Variants in FANCA observed in about 807,000 individuals in gnomAD.
FANCA encodes FA complementation group A.
Under a neutral mutation model 194.3 loss-of-function variants are expected in FANCA, and 236 were observed. That is an observed-to-expected ratio of 1.21 (90% CI 1.09 to 1.35). FANCA has a LOEUF of 1.35. Among genes scored for constraint, FANCA ranks in the 40% most tolerant of loss-of-function variants. FANCA has a pLI of 0.00. For synonymous variants in FANCA, 1,014 were observed against 715.8 expected (o/e 1.42, Z -6.65); for missense variants, 2,628 against 1,813.9 (o/e 1.45, Z -8.15).
intron 3 of FANCA, among the ~76,000 whole-genome samples, chr16:89,811,477 T>C (rs1447700013): frequency 6.6e-6 from 1 of 152,188 alleles, no homozygotes; most frequent in Non-Finnish European, 1.5e-5. Context: ...TTGACTCACA[T>C]TGATGGTTGT....
At chr16:89,770,755 G>A in intron 23 of FANCA, 121 bp from the exon 24 acceptor site, 5 of 863,918 alleles carry the variant, frequency 5.8e-6, no homozygotes, top group Non-Finnish European at 5.7e-6. Flanking sequence ...CTCCAAAACA[G>A]GCTTGTTTGG....
At chr16:89,741,022 G>C in intron 37 of FANCA, 156 bp from the exon 38 acceptor site, 1 of 693,942 alleles carries the variant, frequency 1.4e-6, no homozygotes, top group East Asian at 2.7e-5. Context: ...CTTCTAGAGA[G>C]ACAGCTTAAT....
chr16:89,746,797 G>T, intron 34 of FANCA, 34 bp downstream of exon 34: 1 of 1,575,764 alleles, frequency 6.3e-7, no homozygotes, highest in East Asian at 2.3e-5. Flanking sequence ...GGCGTTCTGA[G>T]AAGGCCACGA....
chr16:89,763,131 C>T (rs12924011), intron 28 of FANCA, among the ~76,000 whole-genome samples: 14,394 of 151,706 alleles, frequency 0.095, 877 homozygotes, highest in Non-Finnish European at 0.14. Flanking sequence ...CCTGTGGTCC[C>T]AGCTACTTGG....
At position 89,752,259 on chromosome 16, in the gene FANCA, G is replaced by A. The variant is rs748539886; in HGVS notation, c.2982-37C>T. Reference sequence around the variant, plus strand: ...ATACAATAAAATCCTCCTCAGTATCGCCTAATAGTGCTGAAGTTCCCAGTT... The same window carrying A: ...ATACAATAAAATCCTCCTCAGTATCACCTAATAGTGCTGAAGTTCCCAGTT... On this transcript the variant is annotated intron_variant, in intron 30 of 42. Transcript: ENST00000389301. 1.1e-4 allele frequency: 165 copies of A among 1,537,374 alleles called. 1 individual carries two copies. The highest frequency in any genetic ancestry group is 9.6e-4 in the East Asian group (43 of 44,590).
At chr16:89,776,900 G>A (rs960826291) in intron 20 of FANCA, among the ~76,000 whole-genome samples, 8 of 152,036 alleles carry the variant, frequency 5.3e-5, no homozygotes, top group South Asian at 2.1e-4. Flanking sequence ...AAATTAGTAA[G>A]AGGGAACTTT....
intron 27 of FANCA, among the ~76,000 whole-genome samples, chr16:89,766,729 A>T (rs2039141347): frequency 6.6e-6 from 1 of 152,038 alleles, no homozygotes; most frequent in Admixed American, 6.6e-5. Context: ...AAAAAAAAAA[A>T]TTCCTTTGTC....
At chr16:89,759,816 G>A (rs1193874893) in intron 29 of FANCA, among the ~76,000 whole-genome samples, 1 of 152,200 alleles carries the variant, frequency 6.6e-6, no homozygotes, top group Non-Finnish European at 1.5e-5. Flanking sequence ...ATCCATTTAT[G>A]CAGAAAGAGC....
At chr16:89,748,799 G>A in intron 32 of FANCA, 32 bp from the exon 33 acceptor site, 1 of 1,566,658 alleles carries the variant, frequency 6.4e-7, no homozygotes, top group Non-Finnish European at 8.8e-7. Flanking sequence ...GGTGGCGACA[G>A]CACAGCGTAC....
intron 11 of FANCA, among the ~76,000 whole-genome samples, chr16:89,793,333 ACT>A (rs1271854901): frequency 2.0e-5 from 3 of 151,936 alleles, no homozygotes; most frequent in South Asian, 2.1e-4. Context: ...GAAGGCTCAC[ACT>A]CTTGTCTTAT....
At position 89,779,977 on chromosome 16, in the gene FANCA, G is replaced by C. The variant is rs1408976307; in HGVS notation, c.1627-20C>G. On this transcript the variant is annotated intron_variant, in intron 17 of 42. Transcript: ENST00000389301. ...GTGGGGCTGGTTCCCATACAGGGAG[G>C]AAAGGAAAAAGAACAGAGGACTTTA... 6 of 1,608,798 alleles carry C rather than the reference G, an allele frequency of 3.7e-6. No individual in the cohort carries two copies. The Admixed American group carries it at 1.0e-4, about 27-fold the overall frequency.
At chr16:89,762,370 G>T (rs1172234459) in intron 28 of FANCA, among the ~76,000 whole-genome samples, 1 of 151,986 alleles carries the variant, frequency 6.6e-6, no homozygotes, top group Non-Finnish European at 1.5e-5. Flanking sequence ...GAGGCCAGCA[G>T]ATTGCTTGAG....
At chr16:89,739,732 G>T (rs2062078002) in intron 39 of FANCA, 179 bp from the exon 40 acceptor site, 38 of 1,497,416 alleles carry the variant, frequency 2.5e-5, no homozygotes, top group Non-Finnish European at 3.3e-5. Flanking sequence ...GAGGATGGGG[G>T]GGTCGACCTC....
chr16:89,769,699 G>A (rs1405627738), intron 26 of FANCA, 138 bp downstream of exon 26: 3 of 909,498 alleles, frequency 3.3e-6, no homozygotes, highest in African/African-American at 3.3e-5. Context: ...ATTCTGGAAG[G>A]ATATATACCA....
chr16:89,770,646 C>T lies in FANCA; in HGVS notation c.2152-12G>A. On this transcript the variant is annotated splice_polypyrimidine_tract_variant and intron_variant, in intron 23 of 42. Transcript: ENST00000389301. Reference sequence around the variant, plus strand: ...AGGAGGTCCACAGCCTGCAGAGACACAGTTCTCATGAGCGTGGTGTCCTGG... The same window carrying T: ...AGGAGGTCCACAGCCTGCAGAGACATAGTTCTCATGAGCGTGGTGTCCTGG... The T allele has an allele frequency of 6.2e-7, 1 of 1,601,270 alleles. No individual in the cohort carries two copies. The highest frequency in any genetic ancestry group is 1.1e-5 in the South Asian group (1 of 88,878).
Position 89,770,040 on chromosome 16 carries a change from G to C in FANCA, c.2317-16C>G. On this transcript the variant is annotated splice_polypyrimidine_tract_variant and intron_variant, in intron 25 of 42. Transcript: ENST00000389301. ...GGCTCGGGCCCTGCAACGAGAATGA[G>C]GGTGGCAGAGCAGACTGCCCTCTTC... The C allele has an allele frequency of 1.9e-6, 3 of 1,611,574 alleles. No homozygotes were observed. The highest frequency in any genetic ancestry group is 2.5e-6 in the Non-Finnish European group (3 of 1,179,274).
At chr16:89,805,220 G>T (rs1199009430) in intron 7 of FANCA, 60 bp downstream of exon 7, 1 of 1,299,076 alleles carries the variant, frequency 7.7e-7, no homozygotes, top group East Asian at 2.4e-5. Flanking sequence ...GAGAGCAGAA[G>T]GCATTATCAC....
At position 89,783,108 on chromosome 16, in the gene FANCA, G is replaced by C. The variant is rs199826394; in HGVS notation, c.1471-6C>G. The C allele has an allele frequency of 6.2e-7, 1 of 1,606,736 alleles. No homozygotes were observed. Among genetic ancestry groups the C allele is most frequent in the East Asian group, 2.2e-5 (1 of 44,782 alleles). ...GGTGGGTGGAGAATGTGCACCTGAG[G>C]ATAGATAGCAGAGCGCAGCACCGTT... On this transcript the variant is annotated splice_region_variant and splice_polypyrimidine_tract_variant and intron_variant, in intron 15 of 42. Coordinates refer to ENST00000389301, the MANE Select transcript of FANCA (RefSeq NM_000135.4).
intron 38 of FANCA, chr16:89,740,474 A>T (rs973610903): frequency 4.3e-6 from 2 of 462,032 alleles, no homozygotes. Context: ...GTCTCTACTA[A>T]AAATACAAAA....
Sources: allele counts gnomAD v4.1 joint callset (sites outside exome capture counted in the v4.1 genomes callset), GRCh38; gene constraint gnomAD v4.1.1; transcripts MANE v1.5; gene names NCBI Gene and HGNC (gene_info 2026-07-23, HGNC 2026-07-21).